Variants in VCF2 observed in about 807,000 individuals in gnomAD.
The protein encoded by VCF2 is VCP nuclear cofactor family member 2.
At chrX:55,148,181 A>T in the VCF2 span, among the ~76,000 whole-genome samples, 2 of 110,736 alleles carry the variant, frequency 1.8e-5, no homozygotes, top group Non-Finnish European at 3.8e-5. Flanking sequence ...CATTTAAAAA[A>T]TTAATTAGGT....
At chrX:55,155,826 A>T in the VCF2 span, among the ~76,000 whole-genome samples, 1 of 111,775 alleles carries the variant, frequency 8.9e-6, no homozygotes, top group Non-Finnish European at 1.9e-5. Flanking sequence ...TATTAGTTAC[A>T]GAATATCTTC....
At chrX:55,146,078 A>C in the VCF2 span, 11 of 1,205,270 alleles carry the variant, frequency 9.1e-6, no homozygotes, top group Non-Finnish European at 1.2e-5. Context: ...AGGAAGTCCT[A>C]ATTCATCATG....
At chrX:55,161,089 G>A in the VCF2 span, 1,901 of 1,204,482 alleles carry the variant, frequency 1.6e-3, 1 homozygote, top group Non-Finnish European at 2.0e-3. Flanking sequence ...TGACCGTGGG[G>A]ACCAGAGCTC....
At chrX:55,146,412 A>C in the VCF2 span, 1 of 739,586 alleles carries the variant, frequency 1.4e-6, no homozygotes, top group Non-Finnish European at 2.1e-6. Flanking sequence ...AATGGGCTTA[A>C]TGGTTTTTAC....
the VCF2 span, among the ~76,000 whole-genome samples, chrX:55,158,606 T>G: frequency 1.2e-3 from 130 of 111,863 alleles, 2 homozygotes; most frequent in East Asian, 0.034. Context: ...TACCCTGATT[T>G]GGTCATTACA....
chrX:55,145,737 T>C, the VCF2 span: 1 of 769,638 alleles, frequency 1.3e-6, no homozygotes, highest in Non-Finnish European at 1.5e-6. Flanking sequence ...TTTAAAAAGA[T>C]GTTTAACATA....
chrX:55,153,357 T>A, the VCF2 span, among the ~76,000 whole-genome samples: 1 of 28,318 alleles, frequency 3.5e-5, no homozygotes, highest in African/African-American at 1.2e-4. Context: ...ATTTATTAAT[T>A]TTTTTTTTTT....
the VCF2 span, among the ~76,000 whole-genome samples, chrX:55,153,902 C>A: frequency 9.0e-6 from 1 of 111,543 alleles, no homozygotes; most frequent in African/African-American, 3.3e-5. Flanking sequence ...GTCATATACA[C>A]TAGCATTTTC....
At chrX:55,146,644 C>T in the VCF2 span, among the ~76,000 whole-genome samples, 8 of 112,268 alleles carry the variant, frequency 7.1e-5, no homozygotes, top group African/African-American at 2.3e-4. Flanking sequence ...CCAATAACTG[C>T]ATCAGAGAAG....
At chrX:55,158,135 C>G in the VCF2 span, among the ~76,000 whole-genome samples, 18 of 111,991 alleles carry the variant, frequency 1.6e-4, no homozygotes, top group African/African-American at 5.5e-4. Context: ...ATAATCATAC[C>G]TGTGTATAGG....
At chrX:55,145,972 C>T in the VCF2 span, 2 of 1,101,062 alleles carry the variant, frequency 1.8e-6, no homozygotes, top group African/African-American at 3.7e-5. Context: ...AAACAACTGC[C>T]CATTAACTTG....
chrX:55,151,860 G>T, the VCF2 span, among the ~76,000 whole-genome samples: 2 of 99,243 alleles, frequency 2.0e-5, no homozygotes, highest in Admixed American at 1.1e-4. Context: ...TTCCTTATTT[G>T]AAATCACTAA....
the VCF2 span, chrX:55,145,869 G>A: frequency 1.1e-6 from 1 of 946,656 alleles, no homozygotes; most frequent in Non-Finnish European, 1.3e-6. Context: ...AAAACTCTAT[G>A]TAGAAAGAGT....
chrX:55,146,923 T>C, the VCF2 span, among the ~76,000 whole-genome samples: 5 of 112,615 alleles, frequency 4.4e-5, no homozygotes, highest in African/African-American at 1.6e-4. Context: ...GTTAAAGTTA[T>C]ATGTTACTTA....
the VCF2 span, among the ~76,000 whole-genome samples, chrX:55,154,369 GAATGCTTATACTATCTGACAGTTACA>G: frequency 1.8e-5 from 2 of 112,254 alleles, no homozygotes; most frequent in Non-Finnish European, 3.7e-5. Flanking sequence ...TGTCTTACCA[GAATGCTTATACTATCTGACAGTTACA>G]AAGCTTATTC....
chrX:55,153,916 G>T, the VCF2 span, among the ~76,000 whole-genome samples: 1 of 111,223 alleles, frequency 9.0e-6, no homozygotes, highest in Non-Finnish European at 1.9e-5. Flanking sequence ...CATTTTCTAG[G>T]CTAATAATGC....
the VCF2 span, chrX:55,161,010 G>T: frequency 4.3e-6 from 5 of 1,168,484 alleles, no homozygotes; most frequent in Non-Finnish European, 5.7e-6. Flanking sequence ...ACCAACCCCG[G>T]AAGAAAATAC....
chrX:55,149,885 A>C, the VCF2 span, among the ~76,000 whole-genome samples: 1 of 112,102 alleles, frequency 8.9e-6, no homozygotes, highest in African/African-American at 3.2e-5. Context: ...TGTCTCAAAA[A>C]AATAAAAACT....
At chrX:55,160,830 C>T in the VCF2 span, 1 of 1,155,726 alleles carries the variant, frequency 8.7e-7, no homozygotes, top group Non-Finnish European at 1.1e-6. Context: ...ACATCCCCAC[C>T]TCACCCCCGC....
Sources: gnomAD v4.1 joint callset for allele counts (sites outside exome capture counted in the v4.1 genomes callset) on GRCh38, gnomAD v4.1.1 for gene constraint, MANE v1.5 for transcripts, NCBI Gene and HGNC (gene_info 2026-07-23, HGNC 2026-07-21) for gene names.